CAMTA1: variants seen among roughly 807,000 people sequenced by gnomAD.
CAMTA1 encodes the protein calmodulin-binding transcription activator 1.
CAMTA1 carries 27 observed loss-of-function variants against 170.9 expected under a neutral mutation model. That is an observed-to-expected ratio of 0.16 (90% CI 0.12 to 0.22). The LOEUF (loss-of-function observed/expected upper bound fraction) is 0.22. Among genes scored for constraint, CAMTA1 ranks in the 10% least tolerant of loss-of-function variants. The pLI, the probability that CAMTA1 is intolerant of heterozygous loss-of-function variation, is 1.00. For missense variants in CAMTA1, 1,619 were observed against 2,217.2 expected, an observed-to-expected ratio of 0.73 and a Z score of 5.42; for synonymous variants, 833 against 891.5, an observed-to-expected ratio of 0.93 and a Z score of 1.17.
At chr1:6,959,888 A>G (rs913697073) in intron 3 of CAMTA1, among the ~76,000 whole-genome samples, 1 of 152,148 alleles carries the variant, frequency 6.6e-6, no homozygotes, top group Non-Finnish European at 1.5e-5. Context: ...CAGAGCAGAG[A>G]GACCCAGGGT....
At chr1:7,603,885 C>T (rs562755350) in intron 6 of CAMTA1, among the ~76,000 whole-genome samples, 73 of 152,272 alleles carry the variant, frequency 4.8e-4, no homozygotes, top group African/African-American at 1.7e-3. Context: ...CTGGTGGTAA[C>T]AAAATCTCTC....
chr1:7,352,923 C>T (rs900589191), intron 5 of CAMTA1, among the ~76,000 whole-genome samples: 10 of 152,246 alleles, frequency 6.6e-5, no homozygotes, highest in African/African-American at 1.7e-4. Flanking sequence ...GACAGGCCTA[C>T]GGTGCCTCCT....
At chr1:7,524,458 T>C (rs1033905715) in intron 6 of CAMTA1, among the ~76,000 whole-genome samples, 4 of 152,278 alleles carry the variant, frequency 2.6e-5, no homozygotes, top group African/African-American at 4.8e-5. Flanking sequence ...GTCCCATCAG[T>C]GTGGCTTTTA....
chr1:7,343,396 C>T (rs952859574), intron 5 of CAMTA1, among the ~76,000 whole-genome samples: 3 of 152,128 alleles, frequency 2.0e-5, no homozygotes, highest in South Asian at 4.2e-4. Context: ...TGGCCACCTC[C>T]GAGGCCATAT....
rs1244285889 is a variant in CAMTA1, at chr1:6,965,020, C to G, written c.235-126284C>G. ...AGAGCAGCAGGTAGAGACTTAGAGT[C>G]TGTGCTAACAGAGAGGGAGGGTCTT... On this transcript the variant is annotated intron_variant, in intron 3 of 22. Transcript: ENST00000303635. This position sits in a 1 kb window ranked among gnomAD's most constrained non-coding sequence, Gnocchi z 4.1. 1.3e-5 allele frequency among the ~76,000 whole-genome samples: 2 copies of G among 152,224 alleles called. No individual in the cohort carries two copies. Among genetic ancestry groups the G allele is most frequent in the African/African-American group, 4.8e-5 (2 of 41,454 alleles).
intron 5 of CAMTA1, among the ~76,000 whole-genome samples, chr1:7,280,989 G>C (rs1202640109): frequency 6.6e-6 from 1 of 152,160 alleles, no homozygotes; most frequent in Non-Finnish European, 1.5e-5. Flanking sequence ...CATTTGTTTT[G>C]ACTTAAAGAG....
intron 3 of CAMTA1, among the ~76,000 whole-genome samples, chr1:6,842,219 C>T (rs1459374077): frequency 6.6e-6 from 1 of 152,216 alleles, no homozygotes; most frequent in Non-Finnish European, 1.5e-5. Context: ...AGTGCAGACC[C>T]ATTCATTCCT....
intron 7 of CAMTA1, among the ~76,000 whole-genome samples, chr1:7,655,395 CAA>C (rs2095888735): frequency 8.1e-6 from 1 of 123,536 alleles, no homozygotes; most frequent in Non-Finnish European, 1.7e-5. Flanking sequence ...CGTATGCACA[CAA>C]ATACACCCAC....
chr1:7,618,193 T>G (rs6683993), intron 6 of CAMTA1, among the ~76,000 whole-genome samples: 14,635 of 152,190 alleles, frequency 0.096, 2,124 homozygotes, highest in African/African-American at 0.31. Context: ...CTGAGGACAC[T>G]GACTCTCTCT....
intron 5 of CAMTA1, among the ~76,000 whole-genome samples, chr1:7,253,972 TG>T (rs1310120916): frequency 6.6e-6 from 1 of 152,006 alleles, no homozygotes. Context: ...AAATCAATCA[TG>T]CAACCCTGAT....
rs1457546866 is a variant in CAMTA1, at chr1:6,970,852, G to A, written c.235-120452G>A. Among the ~76,000 whole-genome samples, 1 of 152,182 alleles carries A rather than the reference G, an allele frequency of 6.6e-6. No homozygotes were observed. The highest frequency in any genetic ancestry group is 1.9e-4 in the East Asian group (1 of 5,192). On this transcript the variant is annotated intron_variant, in intron 3 of 22. Transcript: ENST00000303635. This position sits in a 1 kb window ranked among gnomAD's most constrained non-coding sequence, Gnocchi z 4.4. ...GAGAATGAACAGCCAGGTGTTCCCT[G>A]AGGCCAGTGGTAGTGTCTGCATGGA...
intron 16 of CAMTA1, among the ~76,000 whole-genome samples, chr1:7,743,644 A>T (rs987508868): frequency 6.6e-6 from 1 of 152,032 alleles, no homozygotes; most frequent in Non-Finnish European, 1.5e-5. Flanking sequence ...CAGGAGAAGC[A>T]TTTTGTCACT....
In CAMTA1 at chr1:7,301,401, T is replaced by C. The variant is rs903269176; in HGVS notation, c.438+51775T>C. Among the ~76,000 whole-genome samples the C allele has an allele frequency of 1.4e-4, 21 of 152,252 alleles. 1 individual carries two copies. ...TACCAAGTGAAAATAGATGGCTCTG[T>C]TGATCAACTTCCTTGACTTTGTGGT... On this transcript the variant is annotated intron_variant, in intron 5 of 22. Coordinates refer to ENST00000303635, the MANE Select transcript of CAMTA1 (RefSeq NM_015215.4).
At chr1:7,431,802 C>G (rs924007576) in intron 5 of CAMTA1, among the ~76,000 whole-genome samples, 1 of 152,222 alleles carries the variant, frequency 6.6e-6, no homozygotes, top group African/African-American at 2.4e-5. Context: ...GAGACCAACT[C>G]TCTAAGGCTT....
At chr1:7,583,742 TGGTGCCCAGACCTGCACA>T (rs1424527701) in intron 6 of CAMTA1, among the ~76,000 whole-genome samples, 1 of 152,142 alleles carries the variant, frequency 6.6e-6, no homozygotes, top group Non-Finnish European at 1.5e-5. Context: ...AGGTCTGCCC[TGGTGCCCAGACCTGCACA>T]GGTGCACAGG....
At chr1:7,520,696 G>A (rs982784913) in intron 6 of CAMTA1, among the ~76,000 whole-genome samples, 2 of 152,208 alleles carry the variant, frequency 1.3e-5, no homozygotes, top group African/African-American at 4.8e-5. Flanking sequence ...CCTTCTCTCA[G>A]CAGTCCCAGC....
chr1:6,807,010 G>C (rs1644593022), intron 1 of CAMTA1: 1 of 666,874 alleles, frequency 1.5e-6, no homozygotes, highest in Admixed American at 2.1e-5. Flanking sequence ...CCCAGTCTCT[G>C]TCCTTATGGA....
chr1:6,786,314 C>T (rs1639340602), intron 1 of CAMTA1, among the ~76,000 whole-genome samples: 2 of 152,088 alleles, frequency 1.3e-5, no homozygotes, highest in African/African-American at 4.8e-5. Flanking sequence ...TCGTTCACAT[C>T]CTACTCTTGC....
intron 5 of CAMTA1, among the ~76,000 whole-genome samples, chr1:7,396,455 A>T (rs1037360508): frequency 6.6e-6 from 1 of 152,226 alleles, no homozygotes; most frequent in Non-Finnish European, 1.5e-5. Context: ...GAACAATGTG[A>T]GTTTGTATTT....
Sources: gnomAD v4.1 joint callset for allele counts (sites outside exome capture counted in the v4.1 genomes callset) on GRCh38, gnomAD v4.1.1 for gene constraint, Gnocchi (gnomAD v3.1) non-coding constraint, MANE v1.5 for transcripts, NCBI Gene and HGNC (gene_info 2026-07-23, HGNC 2026-07-21) for gene names.